Variants in CFAP54 observed in about 807,000 individuals in gnomAD.
CFAP54 encodes the protein cilia and flagella associated protein 54, also known as cilia- and flagella-associated protein 54.
In CFAP54, 290 loss-of-function variants were observed where a neutral mutation model predicts 370.4. The ratio of observed to expected loss-of-function variants is 0.78; its 90% CI spans 0.71 to 0.86. The LOEUF (loss-of-function observed/expected upper bound fraction) is 0.86, where lower values mean the gene tolerates loss of function less well. CFAP54 is among the 40% of genes least tolerant of loss of function. CFAP54 has a pLI of 0.00. For missense variants in CFAP54, 3,399 were observed against 3,528.7 expected (o/e 0.96, Z 0.93); for synonymous variants, 1,206 against 1,236.5 (o/e 0.98, Z 0.52).
At chr12:96,602,486 G>A (rs1049528608) in intron 26 of CFAP54, among the ~76,000 whole-genome samples, 1 of 152,186 alleles carries the variant, frequency 6.6e-6, no homozygotes, top group Non-Finnish European at 1.5e-5. Flanking sequence ...TTGTTCCAGA[G>A]ATGAGTTCAA....
chr12:96,541,663 A>G (rs1381866692), intron 14 of CFAP54, among the ~76,000 whole-genome samples: 7 of 152,020 alleles, frequency 4.6e-5, no homozygotes, highest in Non-Finnish European at 1.5e-5. Flanking sequence ...AAGGAAGACT[A>G]TGTTTTGGAC....
rs1256533917 is a variant in CFAP54, at chr12:96,825,536, CTATATATTA to C, written c.9097-3462_9097-3454del. ...TATATAACATATTATATATTATTTACTATATATTATATATATTATATATACTATATTTAC... is the reference window on the plus strand; with the variant it reads ...TATATAACATATTATATATTATTTACTATATATTATATATACTATATTTAC... On this transcript the variant is annotated intron_variant, in intron 65 of 67. Coordinates refer to ENST00000524981, the MANE Select transcript of CFAP54 (RefSeq NM_001306084.2). Among the ~76,000 whole-genome samples the C allele has an allele frequency of 1.5e-3, 156 of 106,354 alleles. 3 individuals carry two copies. Among genetic ancestry groups the C allele is most frequent in the African/African-American group, 5.5e-3 (147 of 26,944 alleles). 69.8% of individuals were successfully genotyped at this position (106,354 alleles called of 152,430 possible). A position where few individuals can be genotyped will look rare whatever the true frequency, so the allele number is the denominator to read the frequency against.
intron 63 of CFAP54, among the ~76,000 whole-genome samples, chr12:96,799,641 A>G (rs1307544207): frequency 1.3e-5 from 2 of 152,220 alleles, no homozygotes; most frequent in Non-Finnish European, 2.9e-5. Context: ...ACTTTAGCAT[A>G]TAACTCTCCA....
At chr12:96,548,661 G>T (rs1045350684) in intron 15 of CFAP54, among the ~76,000 whole-genome samples, 1 of 152,130 alleles carries the variant, frequency 6.6e-6, no homozygotes, top group African/African-American at 2.4e-5. Context: ...TCTGAAGAGA[G>T]CTAGATTTGA....
intron 12 of CFAP54, among the ~76,000 whole-genome samples, chr12:96,536,626 CTTTTTTTTTTTT>C (rs10638883): frequency 2.2e-5 from 3 of 138,142 alleles, no homozygotes; most frequent in Non-Finnish European, 3.1e-5. Flanking sequence ...TTTTCTTTTT[CTTTTTTTTTTTT>C]TTTTTTGAGA....
At chr12:96,805,668 GAA>G (rs1958870336) in intron 63 of CFAP54, among the ~76,000 whole-genome samples, 1 of 151,816 alleles carries the variant, frequency 6.6e-6, no homozygotes, top group Admixed American at 6.6e-5. Flanking sequence ...AATCTTTATG[GAA>G]AAAAGTAGAG....
At chr12:96,612,784 A>C (rs1161793158) in intron 26 of CFAP54, among the ~76,000 whole-genome samples, 2 of 152,226 alleles carry the variant, frequency 1.3e-5, no homozygotes, top group African/African-American at 2.4e-5. Context: ...AGACCATTAC[A>C]TAATGGTAAA....
intron 66 of CFAP54, among the ~76,000 whole-genome samples, chr12:96,833,316 C>T (rs999499269): frequency 6.6e-6 from 1 of 152,148 alleles, no homozygotes; most frequent in African/African-American, 2.4e-5. Context: ...ATGGAATGGG[C>T]TAAGTTCTTT....
At chr12:96,869,061 G>A (rs761498465) in intron 67 of CFAP54, among the ~76,000 whole-genome samples, 9 of 152,124 alleles carry the variant, frequency 5.9e-5, no homozygotes, top group Non-Finnish European at 1.3e-4. Context: ...AAGGACTGTA[G>A]ACTTTTCTTT....
intron 4 of CFAP54, among the ~76,000 whole-genome samples, chr12:96,507,534 TACACACAC>T (rs34776926): frequency 2.1e-5 from 3 of 140,592 alleles, no homozygotes; most frequent in Non-Finnish European, 4.8e-5. Context: ...CACACACACA[TACACACAC>T]ACACACACAC....
intron 65 of CFAP54, among the ~76,000 whole-genome samples, chr12:96,828,679 T>C (rs1428453837): frequency 1.3e-5 from 2 of 152,178 alleles, no homozygotes; most frequent in African/African-American, 4.8e-5. Flanking sequence ...TCTTCCCCTG[T>C]CTTCCATAAT....
At chr12:96,724,619 G>A (rs1350074468) in intron 50 of CFAP54, among the ~76,000 whole-genome samples, 2 of 151,954 alleles carry the variant, frequency 1.3e-5, no homozygotes, top group African/African-American at 4.8e-5. Flanking sequence ...CTTCCATTTT[G>A]TAGGTTGCCT....
intron 36 of CFAP54, among the ~76,000 whole-genome samples, chr12:96,654,158 G>A (rs1293133225): frequency 6.6e-6 from 1 of 152,052 alleles, no homozygotes; most frequent in Non-Finnish European, 1.5e-5. Flanking sequence ...TGGAAAATTT[G>A]AGCAAACACA....
chr12:96,697,552 C>T (rs975160810), intron 45 of CFAP54, among the ~76,000 whole-genome samples: 2 of 152,054 alleles, frequency 1.3e-5, no homozygotes, highest in Non-Finnish European at 2.9e-5. Flanking sequence ...CTTATGTATC[C>T]AATTTCCCAC....
rs544548210 is a variant in CFAP54 at position 96,686,442 on chromosome 12, T to C, written c.6014+1204T>C. Among the ~76,000 whole-genome samples, 6 of 152,052 alleles carry C rather than the reference T, an allele frequency of 3.9e-5. No homozygotes were observed. The South Asian group carries it at 1.2e-3, about 32-fold the overall frequency. ...CTGAGTAATTTGTAAAGAAAAGAGG[T>C]TTAATTGGTTCGTGGTTCTGCAGGC... On this transcript the variant is annotated intron_variant, in intron 42 of 67. Coordinates refer to ENST00000524981, the MANE Select transcript of CFAP54 (RefSeq NM_001306084.2).
chr12:96,641,281 A>G (rs1450954970), intron 32 of CFAP54, among the ~76,000 whole-genome samples: 2 of 152,252 alleles, frequency 1.3e-5, no homozygotes, highest in Admixed American at 6.5e-5. Flanking sequence ...ATGAACAGAC[A>G]CTTCTCAAAA....
intron 40 of CFAP54, among the ~76,000 whole-genome samples, chr12:96,680,393 A>G (rs1565940308): frequency 6.6e-6 from 1 of 152,144 alleles, no homozygotes; most frequent in Non-Finnish European, 1.5e-5. Flanking sequence ...AAAATCCTGA[A>G]CTATCTATAC....
chr12:96,517,870 G>A (rs965613395), intron 5 of CFAP54, among the ~76,000 whole-genome samples: 3 of 152,214 alleles, frequency 2.0e-5, no homozygotes, highest in Non-Finnish European at 2.9e-5. Context: ...TACCCTGGAC[G>A]AGAGAGCTGA....
chr12:96,579,581 T>A (rs912265128), intron 20 of CFAP54, among the ~76,000 whole-genome samples: 23 of 152,098 alleles, frequency 1.5e-4, no homozygotes, highest in Non-Finnish European at 2.8e-4. Flanking sequence ...TAGAGGCAAT[T>A]GTATTTTTCC....
Sources: gnomAD v4.1 joint callset for allele counts (sites outside exome capture counted in the v4.1 genomes callset) on GRCh38, gnomAD v4.1.1 for gene constraint, MANE v1.5 for transcripts, NCBI Gene and HGNC (gene_info 2026-07-23, HGNC 2026-07-21) for gene names.